MPRIP: variants seen among roughly 807,000 people sequenced by gnomAD.
MPRIP encodes myosin phosphatase Rho-interacting protein.
MPRIP carries 59 observed loss-of-function variants against 234.9 expected under a neutral mutation model. The observed-to-expected ratio is 0.25, with a 90% confidence interval of 0.20 to 0.31. The LOEUF (loss-of-function observed/expected upper bound fraction) is 0.31, where lower values mean the gene tolerates loss of function less well. Among genes scored for constraint, MPRIP ranks in the 10% least tolerant of loss-of-function variants. MPRIP has a pLI of 1.00. For synonymous variants in MPRIP, 1,144 were observed against 1,263.9 expected, an observed-to-expected ratio of 0.91 and a Z score of 2.01; for missense variants, 2,436 against 3,071.0, an observed-to-expected ratio of 0.79 and a Z score of 4.89.
intron 3 of MPRIP, among the ~76,000 whole-genome samples, chr17:17,114,830 A>T (rs1283656412): frequency 1.3e-5 from 2 of 152,092 alleles, no homozygotes; most frequent in African/African-American, 2.4e-5. Context: ...CTCGCTGCCC[A>T]GGCAGCGGCC....
chr17:17,092,708 C>T (rs2089747200), intron 3 of MPRIP, among the ~76,000 whole-genome samples: 1 of 152,138 alleles, frequency 6.6e-6, no homozygotes, highest in South Asian at 2.1e-4. Context: ...GTAAAGTTTT[C>T]CTCCTGGGGT....
chr17:17,161,192 G>A, intron 14 of MPRIP, 48 bp from the exon 15 acceptor site: 1 of 1,404,770 alleles, frequency 7.1e-7, no homozygotes, highest in Non-Finnish European at 1.0e-6. Context: ...CAGCTGCTTT[G>A]TTTATCATTG....
At chr17:17,059,109 A>G (rs776219586) in intron 1 of MPRIP, among the ~76,000 whole-genome samples, 6 of 152,370 alleles carry the variant, frequency 3.9e-5, no homozygotes, top group Non-Finnish European at 8.8e-5. Flanking sequence ...CAATAAGCCT[A>G]TTATGTAGTC....
intron 12 of MPRIP, 43 bp downstream of exon 12, chr17:17,150,276 G>A: frequency 7.0e-7 from 1 of 1,429,966 alleles, no homozygotes; most frequent in Non-Finnish European, 9.9e-7. Context: ...TTGACAGGCA[G>A]GGATGCATGT....
intron 18 of MPRIP, among the ~76,000 whole-genome samples, chr17:17,173,317 G>A (rs80054920): frequency 0.033 from 5,026 of 152,362 alleles, 143 homozygotes; most frequent in East Asian, 0.12. Context: ...GCCACCATGA[G>A]CCTCACGGCA....
At chr17:17,074,189 T>C (rs2089271096) in intron 1 of MPRIP, among the ~76,000 whole-genome samples, 1 of 152,240 alleles carries the variant, frequency 6.6e-6, no homozygotes, top group Admixed American at 6.5e-5. Flanking sequence ...TGAGGGGTCC[T>C]GTGTGTGTAA....
At position 17,084,092 on chromosome 17, in the gene MPRIP, C is replaced by T. The variant is rs145497064; in HGVS notation, c.267+6016C>T. ...CTAGCTCGGAGCTTTCCCAGGCAGG[C>T]GAGAGGAACCATCTGCTCCTCCTTG... On this transcript the variant is annotated intron_variant, in intron 3 of 23. Coordinates refer to ENST00000651222, the MANE Select transcript of MPRIP (RefSeq NM_001364716.4). 2.4e-4 allele frequency among the ~76,000 whole-genome samples: 37 copies of T among 152,222 alleles called. No homozygotes were observed. In the South Asian group the frequency reaches 2.7e-3, roughly 11 times the overall value.
At chr17:17,057,675 A>G in intron 1 of MPRIP, 1 of 718,068 alleles carries the variant, frequency 1.4e-6, no homozygotes, top group Non-Finnish European at 2.6e-6. Context: ...TGGAGCTCAC[A>G]TATATGATGC....
At chr17:17,176,857 C>G (rs1401897444) in intron 21 of MPRIP, among the ~76,000 whole-genome samples, 1 of 152,220 alleles carries the variant, frequency 6.6e-6, no homozygotes, top group East Asian at 1.9e-4. Flanking sequence ...CCAGGGACTC[C>G]TGGAGTCAGG....
intron 15 of MPRIP, among the ~76,000 whole-genome samples, chr17:17,163,326 G>A (rs1204444520): frequency 1.3e-5 from 2 of 152,154 alleles, no homozygotes; most frequent in African/African-American, 2.4e-5. Context: ...TCTTGTTTGT[G>A]TTGTTTTTCC....
At chr17:17,125,121 C>G (rs1303838874) in intron 3 of MPRIP, among the ~76,000 whole-genome samples, 1 of 152,248 alleles carries the variant, frequency 6.6e-6, no homozygotes, top group African/African-American at 2.4e-5. Context: ...CCTTTCCTGG[C>G]TCCTTCTCAA....
Position 17,154,341 on chromosome 17 carries a change from A to G in MPRIP, c.1755A>G (p.Thr585=). The G allele has an allele frequency of 2.5e-6, 4 of 1,614,176 alleles. No homozygotes were observed. Among genetic ancestry groups the G allele is most frequent in the African/African-American group, 1.3e-5 (1 of 75,046 alleles). The change falls in exon 13 of 24, where the codon ACA becomes ACG. Residue 585 remains threonine (T), a synonymous_variant. Coordinates refer to ENST00000651222, the MANE Select transcript of MPRIP (RefSeq NM_001364716.4). Reference sequence around the variant, plus strand: ...GCGAGTTTACCCTGTCGGCCATGACATCTGGGATTCGGCGGAACTGGATCC... The same window carrying G: ...GCGAGTTTACCCTGTCGGCCATGACGTCTGGGATTCGGCGGAACTGGATCC... ...KEGEFTLSAM[T]SGIRRNWIQT... is the part of the protein sequence containing the mutation.
chr17:17,164,456 C>A lies in MPRIP; in HGVS notation c.2865C>A (p.Ser955Arg). 1 of 1,240,504 alleles carries A rather than the reference C, an allele frequency of 8.1e-7. No individual in the cohort carries two copies. 76.8% of individuals were successfully genotyped at this position (1,240,504 alleles called of 1,614,324 possible). Reference protein sequence around the residue: ...EAALSSQLRASEQKLKSAEAL... With the variant: ...EAALSSQLRAREQKLKSAEAL... The stretch of plus-strand genomic sequence containing the variant: ...CGCTGAGCAGCCAGCTGAGGGCTAG[C>A]GAGCAGAAGCTCAAGAGTGCTGAGG... Residue 955 changes from serine (S) to arginine (R), a missense_variant, in exon 16 of 24, where the codon AGC becomes AGA. Physicochemically the swap from Ser to Arg is moderately radical, Grantham distance 110 (BLOSUM62 -1). Transcript: ENST00000651222.
At chr17:17,121,187 A>G (rs547986675) in intron 3 of MPRIP, among the ~76,000 whole-genome samples, 5 of 152,304 alleles carry the variant, frequency 3.3e-5, no homozygotes, top group South Asian at 2.1e-4. Flanking sequence ...GTCCTTGTGT[A>G]AATATTCTAG....
intron 3 of MPRIP, among the ~76,000 whole-genome samples, chr17:17,098,225 C>T (rs996906263): frequency 6.6e-6 from 1 of 152,168 alleles, no homozygotes; most frequent in African/African-American, 2.4e-5. Flanking sequence ...CAGCGCTCAG[C>T]CTCAACCTCT....
At position 17,166,326 on chromosome 17, in the gene MPRIP, A is replaced by C; in HGVS notation, c.4735A>C (p.Ile1579Leu). 1 of 1,304,554 alleles carries C rather than the reference A, an allele frequency of 7.7e-7. No homozygotes were observed. The highest frequency in any genetic ancestry group is 1.0e-6 in the Non-Finnish European group (1 of 989,026). 80.8% of individuals were successfully genotyped at this position (1,304,554 alleles called of 1,614,324 possible). The change falls in exon 16 of 24, where the codon ATA becomes CTA. Residue 1579 changes from isoleucine to leucine, a missense_variant. Physicochemically the swap from Ile to Leu is conservative, Grantham distance 5 (BLOSUM62 2). This residue lies in a region of MPRIP where 1,998 missense variants were observed against 2,520.3 expected (regional missense o/e 0.79). Transcript: ENST00000651222. The surrounding 1 kb of genome is among the most constrained non-coding windows in gnomAD (Gnocchi z 4.4). ...IALEASLISQ[I>L]ADSLKNTTSD... ...TCTGGAGGCCTCGCTGATCAGCCAG[A>C]TAGCAGATTCCCTGAAGAACACAAC...
intron 1 of MPRIP, among the ~76,000 whole-genome samples, chr17:17,069,376 C>CT (rs1271967493): frequency 6.6e-6 from 1 of 151,876 alleles, no homozygotes; most frequent in Non-Finnish European, 1.5e-5. Context: ...AAAATCTACT[C>CT]TATCAATCTT....
In MPRIP at chr17:17,146,023, C is replaced by G; in HGVS notation, c.1504-13C>G. ...AGTTTCCTCTGAGCTGTTCTTTTTT[C>G]TCCCTTTCTCAGCCCGACCTGCTGA... On this transcript the variant is annotated splice_polypyrimidine_tract_variant and intron_variant, in intron 9 of 23. Coordinates refer to ENST00000651222, the MANE Select transcript of MPRIP (RefSeq NM_001364716.4). The G allele has an allele frequency of 6.2e-7, 1 of 1,613,366 alleles. No homozygotes were observed. Among genetic ancestry groups the G allele is most frequent in the South Asian group, 1.1e-5 (1 of 90,902 alleles).
At chr17:17,129,647 A>T (rs879544447) in intron 4 of MPRIP, among the ~76,000 whole-genome samples, 1 of 152,072 alleles carries the variant, frequency 6.6e-6, no homozygotes, top group Non-Finnish European at 1.5e-5. Context: ...CAGCAGCTCC[A>T]CGTAGTCAGC....
Sources: allele counts gnomAD v4.1 joint callset (sites outside exome capture counted in the v4.1 genomes callset), GRCh38; gene constraint gnomAD v4.1.1; regional missense constraint gnomAD v4.1.1; non-coding constraint Gnocchi (gnomAD v3.1); transcripts MANE v1.5; gene names NCBI Gene and HGNC (gene_info 2026-07-23, HGNC 2026-07-21).